The following CLXN variants were observed in gnomAD, a reference collection of about 807,000 sequenced individuals.
CLXN encodes EF-hand calcium binding domain 1.
At chr8:48,731,869 G>A in the CLXN span, among the ~76,000 whole-genome samples, 6 of 152,030 alleles carry the variant, frequency 3.9e-5, no homozygotes, top group East Asian at 1.9e-4. Flanking sequence ...TGGCATTTAC[G>A]AGATTTACAA....
the CLXN span, among the ~76,000 whole-genome samples, chr8:48,725,629 C>A: frequency 2.6e-5 from 4 of 151,994 alleles, no homozygotes; most frequent in African/African-American, 4.8e-5. Flanking sequence ...CATGGAGAAA[C>A]CACGTCTCTA....
At chr8:48,735,097 G>C in the CLXN span, 1 of 1,614,164 alleles carries the variant, frequency 6.2e-7, no homozygotes, top group Non-Finnish European at 8.5e-7. Context: ...TACTTACAAT[G>C]CTTGCAATTT....
At chr8:48,724,877 TTAGTG>T in the CLXN span, 1 of 1,236,874 alleles carries the variant, frequency 8.1e-7, no homozygotes, top group Non-Finnish European at 1.2e-6. Flanking sequence ...GTATGTCTCC[TTAGTG>T]TAGAGACAGG....
the CLXN span, among the ~76,000 whole-genome samples, chr8:48,722,238 T>C: frequency 1.3e-5 from 2 of 152,064 alleles, no homozygotes; most frequent in Non-Finnish European, 2.9e-5. Flanking sequence ...GAATCAGATA[T>C]CCCCTCTTAC....
chr8:48,728,815 C>A, the CLXN span, among the ~76,000 whole-genome samples: 1 of 152,190 alleles, frequency 6.6e-6, no homozygotes, highest in Non-Finnish European at 1.5e-5. Context: ...ACACATTAAA[C>A]CTCATTAATT....
At chr8:48,724,906 AG>A in the CLXN span, 16 of 846,208 alleles carry the variant, frequency 1.9e-5, no homozygotes, top group Non-Finnish European at 2.7e-5. Context: ...ACTGAGGGTT[AG>A]TGGGCATCGA....
the CLXN span, among the ~76,000 whole-genome samples, chr8:48,730,876 AG>A: frequency 6.6e-6 from 1 of 152,296 alleles, no homozygotes; most frequent in African/African-American, 2.4e-5. Context: ...TCAATGTCTA[AG>A]TATATTAATC....
chr8:48,717,209 C>T, the CLXN span, among the ~76,000 whole-genome samples: 1 of 152,100 alleles, frequency 6.6e-6, no homozygotes, highest in South Asian at 2.1e-4. Flanking sequence ...GGGTCAACCC[C>T]AAGAAGGGTA....
At chr8:48,725,400 A>G in the CLXN span, among the ~76,000 whole-genome samples, 2 of 152,366 alleles carry the variant, frequency 1.3e-5, no homozygotes, top group Non-Finnish European at 2.9e-5. Flanking sequence ...CCATTATATA[A>G]GAAACAGAAG....
chr8:48,734,854 T>C, the CLXN span, among the ~76,000 whole-genome samples: 1 of 152,150 alleles, frequency 6.6e-6, no homozygotes, highest in Admixed American at 6.5e-5. Context: ...AGTAAATGCA[T>C]GTGTGGGAGT....
the CLXN span, among the ~76,000 whole-genome samples, chr8:48,721,556 T>C: frequency 8.5e-5 from 13 of 152,290 alleles, no homozygotes; most frequent in East Asian, 2.5e-3. Flanking sequence ...GATTTCAAAA[T>C]ACAGTGCTTT....
the CLXN span, chr8:48,729,118 A>T: frequency 6.2e-7 from 1 of 1,613,394 alleles, no homozygotes; most frequent in Non-Finnish European, 8.5e-7. Flanking sequence ...ATAGTCTGCA[A>T]AAGACAGCTT....
the CLXN span, chr8:48,731,503 A>C: frequency 6.3e-7 from 1 of 1,592,262 alleles, no homozygotes; most frequent in African/African-American, 1.4e-5. Context: ...AAATTTATTA[A>C]CTGAAATAAT....
the CLXN span, chr8:48,731,395 A>T: frequency 6.2e-7 from 1 of 1,613,424 alleles, no homozygotes. Flanking sequence ...CACATGCAGG[A>T]TGTTTCGAAA....
chr8:48,730,113 A>C, the CLXN span: 1 of 376,536 alleles, frequency 2.7e-6, no homozygotes, highest in Non-Finnish European at 4.8e-6. Flanking sequence ...CTTCACCTTG[A>C]AACTCTTGGA....
the CLXN span, among the ~76,000 whole-genome samples, chr8:48,717,505 T>C: frequency 6.6e-6 from 1 of 152,234 alleles, no homozygotes; most frequent in African/African-American, 2.4e-5. Flanking sequence ...AAGTTTGTTA[T>C]AACTAAACCT....
At chr8:48,726,861 GCATCTATC>G in the CLXN span, among the ~76,000 whole-genome samples, 1 of 85,858 alleles carries the variant, frequency 1.2e-5, no homozygotes, top group African/African-American at 5.3e-5. Context: ...ATCTATCCAT[GCATCTATC>G]AATCTATCTA....
the CLXN span, among the ~76,000 whole-genome samples, chr8:48,717,992 G>A: frequency 6.6e-6 from 1 of 152,136 alleles, no homozygotes; most frequent in Non-Finnish European, 1.5e-5. Flanking sequence ...GTTATTAATG[G>A]TTGCTTTAAA....
the CLXN span, among the ~76,000 whole-genome samples, chr8:48,723,041 T>C: frequency 1.3e-5 from 2 of 152,092 alleles, no homozygotes; most frequent in African/African-American, 4.8e-5. Context: ...CTACAAAATT[T>C]CAGTTATGAA....
Sources: allele counts gnomAD v4.1 joint callset (sites outside exome capture counted in the v4.1 genomes callset), GRCh38; gene constraint gnomAD v4.1.1; transcripts MANE v1.5; gene names NCBI Gene and HGNC (gene_info 2026-07-23, HGNC 2026-07-21).